The following KAZN variants were observed in gnomAD, a reference collection of about 807,000 sequenced individuals.
KAZN encodes kazrin, periplakin interacting protein, also known as kazrin.
A neutral mutation model predicts 87.4 loss-of-function variants in KAZN; 40 were observed. That is an observed-to-expected ratio of 0.46 (90% CI 0.36 to 0.60). The LOEUF (loss-of-function observed/expected upper bound fraction) is 0.60, where lower values mean the gene tolerates loss of function less well. Among genes scored for constraint, KAZN ranks in the 20% least tolerant of loss-of-function variants. The pLI, the probability that KAZN is intolerant of heterozygous loss-of-function variation, is 0.00. For missense variants in KAZN, 898 were observed against 1,073.9 expected (o/e 0.84, Z 2.29); for synonymous variants, 466 against 458.3 (o/e 1.02, Z -0.22).
At chr1:15,044,626 A>G (rs116832350) in intron 4 of KAZN, among the ~76,000 whole-genome samples, 3,428 of 151,858 alleles carry the variant, frequency 0.023, 135 homozygotes, top group African/African-American at 0.078. Flanking sequence ...CTGTAGTCCC[A>G]ACTAGACCGG....
intron 1 of KAZN, among the ~76,000 whole-genome samples, chr1:14,914,732 A>G (rs765572060): frequency 6.6e-6 from 1 of 152,072 alleles, no homozygotes; most frequent in Non-Finnish European, 1.5e-5. Flanking sequence ...TGGAGCCAGA[A>G]CTTTCTAAGT....
At chr1:14,569,028 G>C (rs1190659408) in intron 2 of KAZN, among the ~76,000 whole-genome samples, 1 of 152,146 alleles carries the variant, frequency 6.6e-6, no homozygotes, top group African/African-American at 2.4e-5. Flanking sequence ...CTGAATGAAG[G>C]AGCTGAAAAT....
intron 1 of KAZN, among the ~76,000 whole-genome samples, chr1:14,691,513 G>A (rs1249478843): frequency 1.3e-5 from 2 of 152,110 alleles, no homozygotes; most frequent in African/African-American, 2.4e-5. Context: ...TTGAGACAGA[G>A]TCTCATTCTG....
chr1:15,082,247 ACCT>A (rs1640038765), intron 8 of KAZN, among the ~76,000 whole-genome samples: 1 of 152,040 alleles, frequency 6.6e-6, no homozygotes, highest in African/African-American at 2.4e-5. Flanking sequence ...ACCTCACTTG[ACCT>A]CCAGGGAAGC....
chr1:14,672,914 C>G (rs1389874922), intron 1 of KAZN, among the ~76,000 whole-genome samples: 1 of 152,212 alleles, frequency 6.6e-6, no homozygotes, highest in East Asian at 1.9e-4. Context: ...CTCTGAGCCA[C>G]AAGCTTCTAC....
Position 15,019,521 on chromosome 1 carries a change from T to C in KAZN, c.419-15228T>C, listed in dbSNP as rs534033107. ...CTTGTGCCTCGGCCTCCCTAGTATC[T>C]GGGATTACAAGCGCCCGCCACCACG... is the stretch of plus-strand genomic sequence containing the variant. On this transcript the variant is annotated intron_variant, in intron 2 of 14. Coordinates refer to ENST00000376030, the MANE Select transcript of KAZN (RefSeq NM_201628.3). Among the ~76,000 whole-genome samples, 146 of 152,310 alleles carry C rather than the reference T, an allele frequency of 9.6e-4. 2 individuals are homozygous for C. In the South Asian group the frequency reaches 0.013, roughly 13 times the overall value.
At chr1:14,845,559 G>GTGGATGGATGGA (rs112956559) in intron 1 of KAZN, among the ~76,000 whole-genome samples, 1,867 of 145,544 alleles carry the variant, frequency 0.013, 44 homozygotes, top group African/African-American at 0.044. Flanking sequence ...AGATGGGTGG[G>GTGGATGGATGGA]TGGATGGATG....
chr1:13,904,651 C>T (rs1438831282), intron 1 of KAZN, among the ~76,000 whole-genome samples: 1 of 152,144 alleles, frequency 6.6e-6, no homozygotes, highest in African/African-American at 2.4e-5. Flanking sequence ...GGTCATTTCT[C>T]TGTAGGTGAT....
upstream of KAZN, among the ~76,000 whole-genome samples, chr1:14,597,650 G>A (rs1472694406): frequency 3.3e-5 from 5 of 152,070 alleles, no homozygotes; most frequent in Non-Finnish European, 7.4e-5. Context: ...ATTTTTCCTC[G>A]CAGCACCCCA....
intron 2 of KAZN, among the ~76,000 whole-genome samples, chr1:14,257,435 A>ATGGTAGTT (rs1445867930): frequency 3.4e-5 from 5 of 146,120 alleles, no homozygotes; most frequent in Non-Finnish European, 7.5e-5. Context: ...GTTCACTCTA[A>ATGGTAGTT]TGGTAGTTTC....
intron 2 of KAZN, among the ~76,000 whole-genome samples, chr1:14,419,962 T>C (rs953351093): frequency 6.6e-6 from 1 of 152,130 alleles, no homozygotes; most frequent in Non-Finnish European, 1.5e-5. Context: ...AAGGGAACAT[T>C]AGGGGATTGC....
At chr1:15,064,986 C>T (rs1639104368) in intron 7 of KAZN, among the ~76,000 whole-genome samples, 2 of 151,940 alleles carry the variant, frequency 1.3e-5, no homozygotes, top group Non-Finnish European at 2.9e-5. Context: ...GTACTGAATG[C>T]CTGTGGCACA....
At chr1:14,124,994 A>C (rs1305654365) in intron 1 of KAZN, among the ~76,000 whole-genome samples, 1 of 152,198 alleles carries the variant, frequency 6.6e-6, no homozygotes, top group Non-Finnish European at 1.5e-5. Flanking sequence ...CACAGATTGC[A>C]GTAGCGAGTG....
chr1:13,912,859 G>A (rs2100874218), intron 1 of KAZN, among the ~76,000 whole-genome samples: 1 of 152,302 alleles, frequency 6.6e-6, no homozygotes, highest in East Asian at 1.9e-4. Context: ...GCCTCCCAAA[G>A]TGCTGGGATT....
chr1:14,804,615 G>A (rs1021875131), intron 1 of KAZN, among the ~76,000 whole-genome samples: 2 of 152,154 alleles, frequency 1.3e-5, no homozygotes, highest in East Asian at 1.9e-4. Flanking sequence ...CCTGACCCCC[G>A]ATGTACCCAA....
chr1:14,480,624 T>C (rs1330773236), intron 2 of KAZN, among the ~76,000 whole-genome samples: 1 of 122,648 alleles, frequency 8.2e-6, no homozygotes, highest in African/African-American at 3.0e-5. Context: ...TATAAAAATA[T>C]ATGTATATAT....
At chr1:15,112,943 A>G (rs887215262) in intron 14 of KAZN, 8 of 171,490 alleles carry the variant, frequency 4.7e-5, no homozygotes, top group South Asian at 3.0e-4. Flanking sequence ...CTGAGCCCCA[A>G]TCACTGATTT....
intron 1 of KAZN, among the ~76,000 whole-genome samples, chr1:14,826,470 G>A (rs1277933616): frequency 6.6e-6 from 1 of 152,210 alleles, no homozygotes; most frequent in Admixed American, 6.5e-5. Context: ...GACCTCCTGA[G>A]AGCCAGGTTG....
intron 1 of KAZN, among the ~76,000 whole-genome samples, chr1:14,638,259 G>A (rs1454770603): frequency 6.6e-6 from 1 of 152,122 alleles, no homozygotes; most frequent in East Asian, 1.9e-4. Flanking sequence ...CACAACGTGT[G>A]TGCACGTGCG....
Sources: gnomAD v4.1 joint callset for allele counts (sites outside exome capture counted in the v4.1 genomes callset) on GRCh38, gnomAD v4.1.1 for gene constraint, MANE v1.5 for transcripts, NCBI Gene and HGNC (gene_info 2026-07-23, HGNC 2026-07-21) for gene names.